The following TAFA5 variants were observed in gnomAD, a reference collection of about 807,000 sequenced individuals.
TAFA5 encodes chemokine-like protein TAFA-5.
TAFA5 carries 6 observed loss-of-function variants against 15.3 expected under a neutral mutation model. The observed-to-expected ratio is 0.39, with a 90% CI of 0.21 to 0.77. The LOEUF (loss-of-function observed/expected upper bound fraction) is 0.77, where lower values mean the gene tolerates loss of function less well. Among genes scored for constraint, TAFA5 ranks in the 30% least tolerant of loss-of-function variants. The probability of loss-of-function intolerance (pLI) is 0.41; values close to 1 mark genes in which losing one functional copy is unlikely to be tolerated. For synonymous variants in TAFA5, 103 were observed against 80.7 expected, an observed-to-expected ratio of 1.28 and a Z score of -1.48; for missense variants, 161 against 193.1, an observed-to-expected ratio of 0.83 and a Z score of 0.98.
At chr22:48,676,427 G>T (rs1601663046) in intron 2 of TAFA5, among the ~76,000 whole-genome samples, 1 of 152,228 alleles carries the variant, frequency 6.6e-6, no homozygotes, top group Non-Finnish European at 1.5e-5. Flanking sequence ...AGGGAGGCGG[G>T]CCTCATCCCT....
intron 1 of TAFA5, among the ~76,000 whole-genome samples, chr22:48,571,929 TG>T (rs1420691601): frequency 2.6e-5 from 4 of 152,174 alleles, no homozygotes; most frequent in Non-Finnish European, 5.9e-5. Context: ...TACCATTCAG[TG>T]TATACCCTAG....
At chr22:48,716,365 G>T (rs1384530876) in intron 3 of TAFA5, among the ~76,000 whole-genome samples, 35 of 152,196 alleles carry the variant, frequency 2.3e-4, no homozygotes, top group Admixed American at 2.3e-3. Flanking sequence ...CATGCCCTTT[G>T]CAGGGACATG....
chr22:48,669,081 G>A (rs556465666), intron 2 of TAFA5, among the ~76,000 whole-genome samples: 9 of 152,172 alleles, frequency 5.9e-5, no homozygotes, highest in African/African-American at 1.9e-4. Flanking sequence ...CCACTTCCCC[G>A]ACGTGAGGAC....
intron 2 of TAFA5, among the ~76,000 whole-genome samples, chr22:48,660,001 T>TC (rs1927378945): frequency 1.3e-5 from 2 of 152,310 alleles, no homozygotes; most frequent in South Asian, 4.2e-4. Flanking sequence ...TCCCTGTTCC[T>TC]CCCCTGCTCC....
intron 1 of TAFA5, among the ~76,000 whole-genome samples, chr22:48,507,075 T>C (rs1371947889): frequency 1.3e-5 from 2 of 149,040 alleles, no homozygotes; most frequent in African/African-American, 4.9e-5. Context: ...AAGGAGATGG[T>C]CATCAAGGGC....
At chr22:48,527,386 G>A (rs1921816704) in intron 1 of TAFA5, among the ~76,000 whole-genome samples, 1 of 152,236 alleles carries the variant, frequency 6.6e-6, no homozygotes, top group African/African-American at 2.4e-5. Context: ...GTGTCGCCTG[G>A]CACCTGCTTA....
At chr22:48,522,130 G>T (rs1384385529) in intron 1 of TAFA5, among the ~76,000 whole-genome samples, 2 of 152,180 alleles carry the variant, frequency 1.3e-5, no homozygotes, top group Non-Finnish European at 2.9e-5. Context: ...TTTTGTTTTT[G>T]TTTTTTCCCA....
chr22:48,609,153 C>A (rs1485754232), intron 1 of TAFA5, among the ~76,000 whole-genome samples: 1 of 152,082 alleles, frequency 6.6e-6, no homozygotes, highest in Non-Finnish European at 1.5e-5. Flanking sequence ...AACAGGTGGG[C>A]GGTGGTGTGT....
chr22:48,728,214 C>T (rs1298628816), intron 3 of TAFA5, among the ~76,000 whole-genome samples: 9 of 152,196 alleles, frequency 5.9e-5, no homozygotes, highest in Non-Finnish European at 1.2e-4. Flanking sequence ...AGAAGAAATG[C>T]ACCAGCCCTC....
At chr22:48,657,239 A>T (rs1927282534) in intron 2 of TAFA5, among the ~76,000 whole-genome samples, 1 of 152,256 alleles carries the variant, frequency 6.6e-6, no homozygotes, top group African/African-American at 2.4e-5. Context: ...GGTTAAAGGG[A>T]TACTATGAAC....
chr22:48,533,710 C>A (rs1922050522), intron 1 of TAFA5, among the ~76,000 whole-genome samples: 1 of 152,200 alleles, frequency 6.6e-6, no homozygotes. Flanking sequence ...GGTCCCTGGC[C>A]AGAATGAAAT....
chr22:48,613,123 C>G (rs373646566), intron 1 of TAFA5, among the ~76,000 whole-genome samples: 110 of 152,348 alleles, frequency 7.2e-4, no homozygotes, highest in African/African-American at 2.6e-3. Flanking sequence ...CGGGAATATG[C>G]TAACATCAAT....
chr22:48,514,881 A>C (rs886083148), intron 1 of TAFA5, among the ~76,000 whole-genome samples: 19 of 152,244 alleles, frequency 1.2e-4, no homozygotes, highest in African/African-American at 4.3e-4. Flanking sequence ...CGTTTCCACA[A>C]ATCATCTCTG....
intron 1 of TAFA5, among the ~76,000 whole-genome samples, chr22:48,536,343 GGA>G (rs1922162909): frequency 6.6e-6 from 1 of 152,232 alleles, no homozygotes. Flanking sequence ...GGAAACAAGT[GGA>G]TGTCCTTTGT....
chr22:48,548,358 A>G (rs1922747213), intron 1 of TAFA5, among the ~76,000 whole-genome samples: 1 of 152,124 alleles, frequency 6.6e-6, no homozygotes, highest in Non-Finnish European at 1.5e-5. Flanking sequence ...GACTGTGGAG[A>G]TGACTCGTCC....
chr22:48,637,044 T>C (rs9325968), intron 1 of TAFA5, among the ~76,000 whole-genome samples: 60,068 of 152,088 alleles, frequency 0.39, 12,134 homozygotes, highest in South Asian at 0.48. Context: ...GCAGGGGCCC[T>C]GGCTCGGGGC....
intron 2 of TAFA5, among the ~76,000 whole-genome samples, chr22:48,655,459 G>A (rs6010560): frequency 0.15 from 22,430 of 152,142 alleles, 2,727 homozygotes; most frequent in East Asian, 0.36. Flanking sequence ...TGTGGTGAGG[G>A]CTGCATTCTC....
chr22:48,527,899 G>A (rs16999328), intron 1 of TAFA5, among the ~76,000 whole-genome samples: 11,644 of 152,262 alleles, frequency 0.076, 1,449 homozygotes, highest in African/African-American at 0.26. Flanking sequence ...GCCAGCAGCC[G>A]TAACAGGTGC....
At chr22:48,568,039 C>T (rs1490962460) in intron 1 of TAFA5, among the ~76,000 whole-genome samples, 1 of 152,192 alleles carries the variant, frequency 6.6e-6, no homozygotes, top group African/African-American at 2.4e-5. Context: ...AGTGAGTTCA[C>T]GACCTCTATT....
Sources: allele counts gnomAD v4.1 joint callset (sites outside exome capture counted in the v4.1 genomes callset), GRCh38; gene constraint gnomAD v4.1.1; transcripts MANE v1.5; gene names NCBI Gene and HGNC (gene_info 2026-07-23, HGNC 2026-07-21).